CADPS2: variants seen among roughly 807,000 people sequenced by gnomAD.
CADPS2 encodes calcium-dependent secretion activator 2.
In CADPS2, 93 loss-of-function variants were observed where a neutral mutation model predicts 172.5. That is an observed-to-expected ratio of 0.54 (90% CI 0.46 to 0.64). The LOEUF is 0.64. Ranked by LOEUF, CADPS2 falls within the 30% of genes least tolerant of loss-of-function variation. CADPS2 has a pLI of 0.00. For synonymous variants in CADPS2, 546 were observed against 555.2 expected (o/e 0.98, Z 0.23); for missense variants, 1,420 against 1,565.9 (o/e 0.91, Z 1.57).
chr7:122,570,201 G>C (rs1244847418), intron 7 of CADPS2, among the ~76,000 whole-genome samples: 4,798 of 150,588 alleles, frequency 0.032, 99 homozygotes, highest in African/African-American at 0.051. Context: ...AAACAAACAA[G>C]CCCATCAAAA....
At chr7:122,773,349 T>A (rs1589118820) in intron 1 of CADPS2, among the ~76,000 whole-genome samples, 1 of 152,122 alleles carries the variant, frequency 6.6e-6, no homozygotes, top group Non-Finnish European at 1.5e-5. Flanking sequence ...AATAAATCAA[T>A]CTTTAGAAGG....
chr7:122,624,036 T>C (rs1293916054), intron 4 of CADPS2, among the ~76,000 whole-genome samples: 1 of 152,164 alleles, frequency 6.6e-6, no homozygotes, highest in African/African-American at 2.4e-5. Context: ...TTTCCAAACA[T>C]TTCAGGGACT....
intron 8 of CADPS2, among the ~76,000 whole-genome samples, chr7:122,545,075 G>A (rs2063489049): frequency 6.6e-6 from 1 of 152,128 alleles, no homozygotes; most frequent in South Asian, 2.1e-4. Context: ...TGGGTAGAAG[G>A]GCTTCTGCCC....
intron 25 of CADPS2, among the ~76,000 whole-genome samples, chr7:122,367,700 T>C (rs1240709092): frequency 2.1e-5 from 3 of 140,678 alleles, no homozygotes; most frequent in African/African-American, 8.0e-5. Context: ...TGTGCAACCA[T>C]GCCCAGCTAA....
intron 1 of CADPS2, among the ~76,000 whole-genome samples, chr7:122,883,267 G>T (rs1426582831): frequency 6.6e-6 from 1 of 152,124 alleles, no homozygotes; most frequent in Non-Finnish European, 1.5e-5. Flanking sequence ...TTTGACTAAA[G>T]AGAAACCTGA....
intron 1 of CADPS2, among the ~76,000 whole-genome samples, chr7:122,746,150 T>C (rs1384419967): frequency 3.9e-5 from 6 of 152,136 alleles, no homozygotes; most frequent in Admixed American, 3.9e-4. Context: ...TAGAAATACA[T>C]GGTCATTTTA....
At chr7:122,361,276 C>T (rs1403121266) in intron 25 of CADPS2, among the ~76,000 whole-genome samples, 1 of 147,808 alleles carries the variant, frequency 6.8e-6, no homozygotes, top group Non-Finnish European at 1.5e-5. Flanking sequence ...CTCTGTCACC[C>T]AGGCTGGAGT....
chr7:122,792,494 T>A (rs893099397), intron 1 of CADPS2, among the ~76,000 whole-genome samples: 1 of 152,164 alleles, frequency 6.6e-6, no homozygotes, highest in African/African-American at 2.4e-5. Context: ...CCTCCAGAAC[T>A]GTTAGAAATA....
intron 1 of CADPS2, among the ~76,000 whole-genome samples, chr7:122,789,533 C>G (rs1794807720): frequency 6.6e-6 from 1 of 152,164 alleles, no homozygotes; most frequent in Non-Finnish European, 1.5e-5. Flanking sequence ...AACCTCAAAA[C>G]ATCTTTAGTT....
At chr7:122,708,488 T>TATATATA (rs1554740579) in intron 2 of CADPS2, among the ~76,000 whole-genome samples, 6 of 117,216 alleles carry the variant, frequency 5.1e-5, no homozygotes, top group African/African-American at 2.0e-4. Context: ...ATATATATAT[T>TATATATA]GGATATGTAG....
intron 17 of CADPS2, among the ~76,000 whole-genome samples, chr7:122,428,660 G>A (rs949369017): frequency 6.6e-6 from 1 of 151,628 alleles, no homozygotes; most frequent in African/African-American, 2.4e-5. Context: ...GTAGAGATGG[G>A]GTTTCTCCAT....
chr7:122,830,021 T>TAAA (rs11380726), intron 1 of CADPS2, among the ~76,000 whole-genome samples: 7 of 147,882 alleles, frequency 4.7e-5, no homozygotes, highest in African/African-American at 1.7e-4. Context: ...AATATCATAT[T>TAAA]AAAAAAAAAA....
At chr7:122,735,150 C>T (rs999516829) in intron 2 of CADPS2, among the ~76,000 whole-genome samples, 3 of 152,104 alleles carry the variant, frequency 2.0e-5, no homozygotes, top group Non-Finnish European at 4.4e-5. Flanking sequence ...TGAAAGGCCA[C>T]TAGAATCAAG....
chr7:122,374,075 TAGG>T (rs1301317982), intron 25 of CADPS2, among the ~76,000 whole-genome samples: 3 of 152,156 alleles, frequency 2.0e-5, no homozygotes, highest in Non-Finnish European at 2.9e-5. Flanking sequence ...GATTGATCCC[TAGG>T]ATCCAAGGAT....
intron 4 of CADPS2, among the ~76,000 whole-genome samples, chr7:122,627,521 C>A (rs867120982): frequency 2.5e-4 from 38 of 152,178 alleles, no homozygotes; most frequent in Admixed American, 5.9e-4. Context: ...CAAGGAGAAG[C>A]CTTTGTGTGT....
At chr7:122,720,623 T>C (rs1349221609) in intron 2 of CADPS2, among the ~76,000 whole-genome samples, 1 of 151,676 alleles carries the variant, frequency 6.6e-6, no homozygotes, top group Non-Finnish European at 1.5e-5. Flanking sequence ...CATACATATA[T>C]GTACGTATGT....
chr7:122,448,454 G>A (rs1586148389), intron 15 of CADPS2, among the ~76,000 whole-genome samples: 1 of 152,168 alleles, frequency 6.6e-6, no homozygotes, highest in Admixed American at 6.6e-5. Context: ...GGATTGTATA[G>A]TACATATTTA....
chr7:122,712,801 C>G (rs2088964073), intron 2 of CADPS2, among the ~76,000 whole-genome samples: 2 of 152,050 alleles, frequency 1.3e-5, no homozygotes, highest in Non-Finnish European at 2.9e-5. Context: ...TAATAGAAAG[C>G]ACCTTTTCGC....
intron 1 of CADPS2, among the ~76,000 whole-genome samples, chr7:122,875,927 A>G (rs1487762220): frequency 6.6e-6 from 1 of 152,198 alleles, no homozygotes; most frequent in Non-Finnish European, 1.5e-5. Flanking sequence ...TTTAAAAGCA[A>G]CAACAAAAGA....
Sources: allele counts gnomAD v4.1 joint callset (sites outside exome capture counted in the v4.1 genomes callset), GRCh38; gene constraint gnomAD v4.1.1; transcripts MANE v1.5; gene names NCBI Gene and HGNC (gene_info 2026-07-23, HGNC 2026-07-21).